BICC1: variants seen among roughly 807,000 people sequenced by gnomAD.
The protein encoded by BICC1 is protein bicaudal C homolog 1.
Under a neutral mutation model 111.0 loss-of-function variants are expected in BICC1, and 43 were observed. The ratio of observed to expected loss-of-function variants is 0.39; its 90% CI spans 0.30 to 0.50. The LOEUF is 0.50. Ranked by LOEUF, BICC1 falls within the 20% of genes least tolerant of loss-of-function variation. BICC1 has a pLI of 0.88. For missense variants in BICC1, 1,091 were observed against 1,203.2 expected, an observed-to-expected ratio of 0.91 and a Z score of 1.38; for synonymous variants, 467 against 434.4, an observed-to-expected ratio of 1.07 and a Z score of -0.93.
intron 1 of BICC1, among the ~76,000 whole-genome samples, chr10:58,520,376 C>T (rs551281217): frequency 1.5e-4 from 23 of 152,224 alleles, no homozygotes; most frequent in African/African-American, 5.1e-4. Context: ...TAATCCTTAT[C>T]GTACTACCAT....
chr10:58,515,848 A>G (rs1464894628), intron 1 of BICC1, among the ~76,000 whole-genome samples: 1 of 152,188 alleles, frequency 6.6e-6, no homozygotes, highest in Non-Finnish European at 1.5e-5. Context: ...GAACTTAATG[A>G]ATATCTGTTG....
At chr10:58,769,516 T>A (rs1842565432) in intron 3 of BICC1, among the ~76,000 whole-genome samples, 2 of 150,528 alleles carry the variant, frequency 1.3e-5, no homozygotes, top group South Asian at 4.2e-4. Flanking sequence ...AGTCACTCCT[T>A]TCATGTCCAC....
intron 1 of BICC1, among the ~76,000 whole-genome samples, chr10:58,613,836 G>A (rs576463922): frequency 6.6e-6 from 1 of 152,212 alleles, no homozygotes; most frequent in South Asian, 2.1e-4. Flanking sequence ...TTTACAGGTT[G>A]GGGTTGTAAT....
intron 3 of BICC1, among the ~76,000 whole-genome samples, chr10:58,718,801 C>T (rs377039120): frequency 8.1e-5 from 12 of 148,306 alleles, no homozygotes; most frequent in African/African-American, 2.6e-4. Flanking sequence ...CGCCCGCGTG[C>T]TTATGGGTAT....
chr10:58,687,367 T>C (rs1839768025), intron 2 of BICC1, among the ~76,000 whole-genome samples: 1 of 152,240 alleles, frequency 6.6e-6, no homozygotes, highest in African/African-American at 2.4e-5. Flanking sequence ...TGAAACTCCA[T>C]GCTGGGAGAA....
chr10:58,619,781 G>C (rs1292089567), intron 1 of BICC1, among the ~76,000 whole-genome samples: 1 of 152,150 alleles, frequency 6.6e-6, no homozygotes, highest in South Asian at 2.1e-4. Flanking sequence ...GTAGATGCTT[G>C]TCAAAACTTG....
At chr10:58,767,104 G>A (rs1389035312) in intron 3 of BICC1, among the ~76,000 whole-genome samples, 1 of 152,058 alleles carries the variant, frequency 6.6e-6, no homozygotes, top group Non-Finnish European at 1.5e-5. Context: ...GTGCCCCCAT[G>A]CCCCACATGC....
intron 2 of BICC1, among the ~76,000 whole-genome samples, chr10:58,677,393 C>A (rs1208339488): frequency 1.3e-5 from 2 of 152,184 alleles, no homozygotes; most frequent in African/African-American, 4.8e-5. Context: ...AGCACAAGAA[C>A]TTCGCGAAGC....
chr10:58,603,290 G>A (rs1845103003), intron 1 of BICC1, among the ~76,000 whole-genome samples: 1 of 152,160 alleles, frequency 6.6e-6, no homozygotes, highest in Non-Finnish European at 1.5e-5. Flanking sequence ...TAGGATTATA[G>A]GAGGCCAACT....
intron 3 of BICC1, among the ~76,000 whole-genome samples, chr10:58,705,821 T>C (rs1317969297): frequency 1.3e-5 from 2 of 152,196 alleles, no homozygotes; most frequent in Non-Finnish European, 2.9e-5. Flanking sequence ...TGGTACCCAA[T>C]TGGTAATTTT....
chr10:58,781,936 G>A (rs1329538560), intron 3 of BICC1, among the ~76,000 whole-genome samples: 1 of 152,078 alleles, frequency 6.6e-6, no homozygotes, highest in Admixed American at 6.5e-5. Context: ...TCCTTATTAA[G>A]CTTGACTATT....
chr10:58,649,814 G>A (rs1838387053), intron 2 of BICC1, among the ~76,000 whole-genome samples: 2 of 150,852 alleles, frequency 1.3e-5, no homozygotes, highest in Non-Finnish European at 1.5e-5. Context: ...TCTTTTGCAT[G>A]TATAGGAACT....
chr10:58,633,771 T>C (rs1837867149), intron 2 of BICC1, among the ~76,000 whole-genome samples: 2 of 152,100 alleles, frequency 1.3e-5, no homozygotes, highest in Admixed American at 1.3e-4. Flanking sequence ...TGATTCAAAT[T>C]TTGCAAGTAA....
At chr10:58,704,966 C>G (rs1348260697) in intron 3 of BICC1, among the ~76,000 whole-genome samples, 1 of 152,206 alleles carries the variant, frequency 6.6e-6, no homozygotes, top group Non-Finnish European at 1.5e-5. Flanking sequence ...TTCCATAGCT[C>G]TGTCTAAACT....
intron 1 of BICC1, among the ~76,000 whole-genome samples, chr10:58,596,565 A>G (rs1453221697): frequency 1.3e-5 from 2 of 152,170 alleles, no homozygotes; most frequent in Admixed American, 6.5e-5. Flanking sequence ...GGCCAGGGCA[A>G]TCAGGCAAGA....
chr10:58,593,476 C>T (rs1171137974), intron 1 of BICC1, among the ~76,000 whole-genome samples: 2 of 152,096 alleles, frequency 1.3e-5, no homozygotes. Flanking sequence ...CCGACAGACA[C>T]CTTATATAGG....
chr10:58,736,979 C>T (rs1221533226), intron 3 of BICC1, among the ~76,000 whole-genome samples: 1 of 151,596 alleles, frequency 6.6e-6, no homozygotes, highest in East Asian at 1.9e-4. Flanking sequence ...TTTATTTTCA[C>T]AAAAGTATGC....
chr10:58,789,058 G>A (rs1321691527), intron 6 of BICC1, among the ~76,000 whole-genome samples: 1 of 151,870 alleles, frequency 6.6e-6, no homozygotes, highest in African/African-American at 2.4e-5. Flanking sequence ...ACCACTGCAT[G>A]CCAGCCTGGG....
chr10:58,595,608 A>C (rs1406055763), intron 1 of BICC1, among the ~76,000 whole-genome samples: 2 of 152,198 alleles, frequency 1.3e-5, no homozygotes, highest in African/African-American at 4.8e-5. Context: ...CTTGCTCCTA[A>C]ATGACTGCTG....
Sources: gnomAD v4.1 joint callset for allele counts (sites outside exome capture counted in the v4.1 genomes callset) on GRCh38, gnomAD v4.1.1 for gene constraint, MANE v1.5 for transcripts, NCBI Gene and HGNC (gene_info 2026-07-23, HGNC 2026-07-21) for gene names.